The following LANCL2 variants were observed in gnomAD, a reference collection of about 807,000 sequenced individuals.
LANCL2 encodes the protein lanC-like protein 2.
Under a neutral mutation model 56.9 loss-of-function variants are expected in LANCL2, and 33 were observed. The observed-to-expected ratio is 0.58, with a 90% CI of 0.44 to 0.78. LANCL2 has a LOEUF of 0.78. Ranked by LOEUF, LANCL2 falls within the 30% of genes least tolerant of loss-of-function variation. The pLI is 0.00. For synonymous variants in LANCL2, 233 were observed against 228.2 expected, an observed-to-expected ratio of 1.02 and a Z score of -0.19; for missense variants, 562 against 580.2, an observed-to-expected ratio of 0.97 and a Z score of 0.32.
rs772336065 is a variant in LANCL2 at position 55,417,189 on chromosome 7, C to T, written c.1008+5100C>T. On this transcript the variant is annotated intron_variant, in intron 6 of 8. Transcript: ENST00000254770. ...AGAGATGGGGTTTCACCGTGTTAGC[C>T]GGGATGGTCTCTATCTCCTAACCTC... Among the ~76,000 whole-genome samples the T allele has an allele frequency of 4.6e-5, 7 of 151,888 alleles. No individual in the cohort carries two copies. In the South Asian group the frequency reaches 1.0e-3, roughly 23 times the overall value.
rs1055491471 is a variant in LANCL2, at chr7:55,407,122, G to A, written c.826-4785G>A. On this transcript the variant is annotated intron_variant, in intron 5 of 8. Coordinates refer to ENST00000254770, the MANE Select transcript of LANCL2 (RefSeq NM_018697.4). ...TGAGCACCTGCACCCAGCACAGGGA[G>A]GGAACTGCCTATCCTTCAACTCGTG... is the stretch of plus-strand genomic sequence containing the variant. Among the ~76,000 whole-genome samples, 51 of 152,348 alleles carry A rather than the reference G, an allele frequency of 3.3e-4. 1 individual carries two copies. Among genetic ancestry groups the A allele is most frequent in the African/African-American group, 1.0e-3 (43 of 41,562 alleles).
At chr7:55,418,463 A>T (rs189647616) in intron 6 of LANCL2, among the ~76,000 whole-genome samples, 16 of 152,328 alleles carry the variant, frequency 1.1e-4, no homozygotes, top group African/African-American at 3.6e-4. Flanking sequence ...TACAGGCTTG[A>T]GCCACTGTAA....
intron 3 of LANCL2, among the ~76,000 whole-genome samples, chr7:55,399,140 G>A (rs1293821699): frequency 6.6e-6 from 1 of 152,162 alleles, no homozygotes. Context: ...GGGTATAGTG[G>A]CATGTGCTTG....
At chr7:55,426,751 G>T (rs1380330878) in intron 7 of LANCL2, among the ~76,000 whole-genome samples, 1 of 152,218 alleles carries the variant, frequency 6.6e-6, no homozygotes, top group African/African-American at 2.4e-5. Flanking sequence ...AGGCCCGGAG[G>T]TGTGAGCACC....
intron 6 of LANCL2, 141 bp from the exon 7 acceptor site, chr7:55,425,109 TTTTG>T (rs1288665546): frequency 1.2e-5 from 9 of 730,238 alleles, no homozygotes; most frequent in South Asian, 1.9e-5. Context: ...GCTGGTGTTT[TTTTG>T]TTTGTTTGTC....
chr7:55,417,728 G>C (rs1050999688), intron 6 of LANCL2, among the ~76,000 whole-genome samples: 1 of 152,118 alleles, frequency 6.6e-6, no homozygotes, highest in African/African-American at 2.4e-5. Flanking sequence ...GGTCGCCCAG[G>C]CTGGAGTAGG....
At chr7:55,401,550 C>CT (rs58797958) in intron 5 of LANCL2, among the ~76,000 whole-genome samples, 15,547 of 51,356 alleles carry the variant, frequency 0.3, 1,769 homozygotes, top group Admixed American at 0.33. Context: ...TTCCAATTTT[C>CT]TTTTTTTTTT....
At chr7:55,382,514 T>A (rs1301955099) in intron 1 of LANCL2, among the ~76,000 whole-genome samples, 1 of 152,130 alleles carries the variant, frequency 6.6e-6, no homozygotes, top group Non-Finnish European at 1.5e-5. Flanking sequence ...GTTTTTTTAC[T>A]CAAATCAGTG....
Position 55,432,125 on chromosome 7 carries a change from C to T in LANCL2, c.*805C>T, listed in dbSNP as rs1311111346. ...AGCACTGGCAGTTCCAGAACATTTA[C>T]CCAGGTATATGTTACTAAAACAGGC... On this transcript the variant is annotated 3_prime_UTR_variant, in exon 9 of 9. Transcript: ENST00000254770. 6.6e-6 allele frequency: 1 copy of T among 152,160 alleles called. No homozygotes were observed. Among genetic ancestry groups the T allele is most frequent in the East Asian group, 1.9e-4 (1 of 5,196 alleles). 9.4% of individuals were successfully genotyped at this position (152,160 alleles called of 1,614,324 possible).
At chr7:55,422,878 G>C (rs1260169229) in intron 6 of LANCL2, among the ~76,000 whole-genome samples, 5 of 152,080 alleles carry the variant, frequency 3.3e-5, no homozygotes, top group African/African-American at 1.2e-4. Flanking sequence ...CCCTATTTCT[G>C]ACGTTTGGGT....
intron 6 of LANCL2, among the ~76,000 whole-genome samples, chr7:55,419,104 C>T (rs1790577642): frequency 6.6e-6 from 1 of 151,914 alleles, no homozygotes. Flanking sequence ...TATTAGGAAT[C>T]AGGTATCAGG....
intron 6 of LANCL2, among the ~76,000 whole-genome samples, chr7:55,424,511 T>C (rs891364873): frequency 1.3e-5 from 2 of 152,246 alleles, no homozygotes; most frequent in Admixed American, 1.3e-4. Context: ...GATTGCCTTC[T>C]ACAAGAGCAG....
intron 6 of LANCL2, among the ~76,000 whole-genome samples, chr7:55,424,716 C>G (rs981169228): frequency 6.6e-6 from 1 of 152,192 alleles, no homozygotes; most frequent in African/African-American, 2.4e-5. Context: ...GGTACTGGTC[C>G]GTGGCCTGTT....
intron 6 of LANCL2, among the ~76,000 whole-genome samples, chr7:55,415,935 C>T (rs1048609169): frequency 6.6e-6 from 1 of 151,996 alleles, no homozygotes; most frequent in Non-Finnish European, 1.5e-5. Flanking sequence ...TGTTTTTCAT[C>T]GGTTTCCAGG....
At chr7:55,385,875 A>T (rs980547911) in intron 1 of LANCL2, among the ~76,000 whole-genome samples, 1 of 152,196 alleles carries the variant, frequency 6.6e-6, no homozygotes, top group Non-Finnish European at 1.5e-5. Flanking sequence ...CATAAGAGAC[A>T]GGTACGCCTT....
chr7:55,417,285 GT>G (rs951921879), intron 6 of LANCL2, among the ~76,000 whole-genome samples: 1 of 150,814 alleles, frequency 6.6e-6, no homozygotes, highest in Admixed American at 6.6e-5. Context: ...AGCCTGAGGT[GT>G]TTTTTTTTAA....
rs74896429 is a variant in LANCL2 at position 55,369,028 on chromosome 7, A to G, written c.204+2799A>G. The stretch of plus-strand genomic sequence containing the variant: ...GAAGAAAGAGACATAGGGAGAAAGA[A>G]GATGGCCATGTGATGATGGAGGCAG... On this transcript the variant is annotated intron_variant, in intron 1 of 8. Coordinates refer to ENST00000254770, the MANE Select transcript of LANCL2 (RefSeq NM_018697.4). Among the ~76,000 whole-genome samples the G allele has an allele frequency of 8.0e-3, 1,217 of 152,278 alleles. 24 individuals are homozygous for G. Among genetic ancestry groups the G allele is most frequent in the African/African-American group, 0.028 (1,153 of 41,560 alleles).
At chr7:55,370,593 G>T (rs1366398898) in intron 1 of LANCL2, among the ~76,000 whole-genome samples, 2 of 152,212 alleles carry the variant, frequency 1.3e-5, no homozygotes, top group African/African-American at 4.8e-5. Context: ...AATATGTAAA[G>T]AATATCTTGG....
chr7:55,419,889 C>T (rs896109648), intron 6 of LANCL2, among the ~76,000 whole-genome samples: 2 of 151,866 alleles, frequency 1.3e-5, no homozygotes, highest in Non-Finnish European at 2.9e-5. Context: ...CCCAGTGGCT[C>T]ACTTCTATAA....
Sources: gnomAD v4.1 joint callset for allele counts (sites outside exome capture counted in the v4.1 genomes callset) on GRCh38, gnomAD v4.1.1 for gene constraint, MANE v1.5 for transcripts, NCBI Gene and HGNC (gene_info 2026-07-23, HGNC 2026-07-21) for gene names.